BRD4: variants seen among roughly 807,000 people sequenced by gnomAD.
BRD4 encodes bromodomain containing 4.
In BRD4, 16 loss-of-function variants were observed where a neutral mutation model predicts 142.1. The ratio of observed to expected loss-of-function variants is 0.11; its 90% CI spans 0.08 to 0.17. The LOEUF (loss-of-function observed/expected upper bound fraction) is 0.17. BRD4 is among the 10% of genes least tolerant of loss of function. The pLI, the probability that BRD4 is intolerant of heterozygous loss-of-function variation, is 1.00. For missense variants in BRD4, 1,424 were observed against 1,810.9 expected (o/e 0.79, Z 3.88); for synonymous variants, 833 against 707.5 (o/e 1.18, Z -2.82).
At chr19:15,252,004 G>T (rs891230549) in intron 11 of BRD4, among the ~76,000 whole-genome samples, 4 of 152,238 alleles carry the variant, frequency 2.6e-5, no homozygotes, top group African/African-American at 9.6e-5. Context: ...CCTCCTTCCC[G>T]CCAGGACAGC....
intron 1 of BRD4, among the ~76,000 whole-genome samples, chr19:15,320,682 T>C (rs931805182): frequency 6.6e-6 from 1 of 152,204 alleles, no homozygotes. Context: ...CCCACCCAAG[T>C]AACTCCTGAG....
intron 7 of BRD4, among the ~76,000 whole-genome samples, chr19:15,261,249 G>A (rs981986731): frequency 6.6e-6 from 1 of 152,180 alleles, no homozygotes; most frequent in Non-Finnish European, 1.5e-5. Flanking sequence ...CACTTTGGGA[G>A]GCCCAGGCAG....
chr19:15,319,985 G>A (rs1375458234), intron 1 of BRD4, among the ~76,000 whole-genome samples: 5 of 152,074 alleles, frequency 3.3e-5, no homozygotes, highest in Non-Finnish European at 2.9e-5. Flanking sequence ...AACCAACATC[G>A]TAATAAATTT....
In BRD4 at chr19:15,237,987, C is replaced by T. The variant is rs535929150; in HGVS notation, c.*390G>A. 6.5e-5 allele frequency: 16 copies of T among 244,894 alleles called. No individual in the cohort carries two copies. Among genetic ancestry groups the T allele is most frequent in the Middle Eastern group, 1.2e-3 (1 of 836 alleles). 15.2% of individuals were successfully genotyped at this position (244,894 alleles called of 1,614,324 possible). A position where few individuals can be genotyped will look rare whatever the true frequency, so the allele number is the denominator to read the frequency against. On this transcript the variant is annotated 3_prime_UTR_variant, in exon 20 of 20. Coordinates refer to ENST00000679869, the MANE Select transcript of BRD4 (RefSeq NM_001379291.1). Reference sequence around the variant, plus strand: ...CTCCCGGCGGGCAGGACATCACGAACGTCACGTTCTTGGGGACAGAAAACC... The same window carrying T: ...CTCCCGGCGGGCAGGACATCACGAATGTCACGTTCTTGGGGACAGAAAACC...
In BRD4 at chr19:15,254,175, G is replaced by A. The variant is rs768842514; in HGVS notation, c.2135C>T (p.Ser712Phe). The change falls in exon 11 of 20, where the codon TCT (serine) becomes TTT (phenylalanine). Residue 712 changes from serine to phenylalanine, a missense_variant. Ser to Phe is a radical substitution (Grantham distance 155). Transcript: ENST00000679869. The stretch of plus-strand genomic sequence containing the variant: ...ACCTGTTTCGGAGTCTTCGCTGTCA[G>A]AGGAGCTGGACTCACTGGAGCTCTC... ...ESESSSESSS[S>F]DSEDSETEMA... 3.7e-6 allele frequency: 6 copies of A among 1,614,200 alleles called. No homozygotes were observed. Among genetic ancestry groups the A allele is most frequent in the Non-Finnish European group, 5.1e-6 (6 of 1,180,016 alleles).
intron 11 of BRD4, among the ~76,000 whole-genome samples, chr19:15,252,077 G>C (rs1472297097): frequency 1.3e-5 from 2 of 152,156 alleles, no homozygotes; most frequent in Admixed American, 6.5e-5. Context: ...AAGTGGGGGA[G>C]TGAAAAAATA....
At chr19:15,262,363 G>A (rs749171640) in intron 7 of BRD4, among the ~76,000 whole-genome samples, 2 of 152,092 alleles carry the variant, frequency 1.3e-5, no homozygotes, top group East Asian at 3.8e-4. Flanking sequence ...GCCTTGGGGA[G>A]AAGATGCTGG....
chr19:15,287,686 A>G (rs1185864043), intron 1 of BRD4, among the ~76,000 whole-genome samples: 1 of 152,192 alleles, frequency 6.6e-6, no homozygotes, highest in Non-Finnish European at 1.5e-5. Flanking sequence ...AGCGTGAGTG[A>G]AACCACAAAG....
intron 1 of BRD4, among the ~76,000 whole-genome samples, chr19:15,319,349 C>T (rs1285875486): frequency 6.6e-6 from 1 of 152,062 alleles, no homozygotes; most frequent in South Asian, 2.1e-4. Flanking sequence ...CCTGTAGTCC[C>T]AGCTACCTGG....
intron 1 of BRD4, among the ~76,000 whole-genome samples, chr19:15,324,700 G>A (rs1003768151): frequency 6.6e-6 from 1 of 152,178 alleles, no homozygotes; most frequent in Non-Finnish European, 1.5e-5. Flanking sequence ...AAGTCTTTGT[G>A]TTCAGATAAC....
intron 1 of BRD4, among the ~76,000 whole-genome samples, chr19:15,315,925 G>A (rs931230042): frequency 1.3e-5 from 2 of 151,626 alleles, no homozygotes; most frequent in Non-Finnish European, 2.9e-5. Flanking sequence ...GGAGGCCGAG[G>A]CGGGCGGATC....
At chr19:15,307,863 C>T (rs2047927796) in intron 1 of BRD4, among the ~76,000 whole-genome samples, 1 of 152,078 alleles carries the variant, frequency 6.6e-6, no homozygotes, top group African/African-American at 2.4e-5. Context: ...ACTTGTAATC[C>T]CAGCATTTTG....
Position 15,244,759 on chromosome 19 carries a change from A to G in BRD4, c.2162T>C (p.Met721Thr), listed in dbSNP as rs747149479. ...SSDSEDSETEMAPKSKKKGHP... is the reference protein window; with the variant it reads ...SSDSEDSETETAPKSKKKGHP... ...CCCCTTCTTTTTTGACTTCGGAGCCATCTCTGCAGAGGAAAAGAGAAGGTA... is the reference window on the plus strand; with the variant it reads ...CCCCTTCTTTTTTGACTTCGGAGCCGTCTCTGCAGAGGAAAAGAGAAGGTA... The change falls in exon 12 of 20, where the codon ATG (methionine) becomes ACG (threonine). Residue 721 changes from methionine (M) to threonine (T), a missense_variant. By Grantham distance (81) the Met-to-Thr change is moderately conservative. This residue lies in a region of BRD4 where 598 missense variants were observed against 647.8 expected (regional missense o/e 0.92). Transcript: ENST00000679869. 3.1e-6 allele frequency: 5 copies of G among 1,614,096 alleles called. No homozygotes were observed. Among genetic ancestry groups the G allele is most frequent in the Non-Finnish European group, 4.2e-6 (5 of 1,180,018 alleles).
rs751125376 is a variant in BRD4, at chr19:15,272,920, G to C, written c.180C>G (p.Thr60=). The C allele has an allele frequency of 1.2e-6, 2 of 1,614,122 alleles. No homozygotes were observed. The highest frequency in any genetic ancestry group is 3.3e-5 in the Admixed American group (2 of 60,012). The change falls in exon 2 of 20, where the codon ACC becomes ACG. Residue 60 remains threonine (T), a synonymous_variant. Coordinates refer to ENST00000679869, the MANE Select transcript of BRD4 (RefSeq NM_001379291.1). ...CTCTGAGCAGGTATTGCAGTTGGTT[G>C]GTCTGCCTCTTGGGCTTGTTAGGGT... ...TSNPNKPKRQ[T]NQLQYLLRVV... is the part of the protein sequence containing the mutation.
At chr19:15,253,054 G>A (rs2047364586) in intron 11 of BRD4, 5 of 241,420 alleles carry the variant, frequency 2.1e-5, no homozygotes, top group Non-Finnish European at 4.0e-5. Context: ...CAGGCCCGTG[G>A]GAGAACATGC....
chr19:15,253,484 G>A, intron 11 of BRD4: 2 of 1,437,912 alleles, frequency 1.4e-6, no homozygotes, highest in Non-Finnish European at 9.4e-7. Flanking sequence ...CACGGGGCTT[G>A]AAAAGAAGGG....
chr19:15,243,504 C>CCGAGG lies in BRD4; in HGVS notation c.2582-22_2582-18dup, dbSNP rs1021265215. On this transcript the variant is annotated splice_polypyrimidine_tract_variant and intron_variant, in intron 13 of 19. Coordinates refer to ENST00000679869, the MANE Select transcript of BRD4 (RefSeq NM_001379291.1). ...TGTGCAAAGCTGGAAGAACACAACA[C>CCGAGG]CGAGGCGGTGAGGCCTGAGCACCTG... 1 of 1,540,116 alleles carries CCGAGG rather than the reference C, an allele frequency of 6.5e-7. No individual in the cohort carries two copies. Among genetic ancestry groups the CCGAGG allele is most frequent in the Non-Finnish European group, 8.7e-7 (1 of 1,147,070 alleles).
chr19:15,330,443 C>T (rs2048147254), intron 1 of BRD4, among the ~76,000 whole-genome samples: 1 of 152,150 alleles, frequency 6.6e-6, no homozygotes, highest in Non-Finnish European at 1.5e-5. Flanking sequence ...ATAATCCCCA[C>T]CCAAATTAAA....
chr19:15,248,406 A>T, intron 11 of BRD4: 1 of 215,862 alleles, frequency 4.6e-6, no homozygotes, highest in Non-Finnish European at 9.3e-6. Flanking sequence ...ACCAGCCCAG[A>T]CTCACCCCAC....
Sources: allele counts gnomAD v4.1 joint callset (sites outside exome capture counted in the v4.1 genomes callset), GRCh38; gene constraint gnomAD v4.1.1; regional missense constraint gnomAD v4.1.1; transcripts MANE v1.5; gene names NCBI Gene and HGNC (gene_info 2026-07-23, HGNC 2026-07-21).